The following IGDCC4 variants were observed in gnomAD, a reference collection of about 807,000 sequenced individuals.
IGDCC4 encodes the protein immunoglobulin superfamily DCC subclass member 4, also known as likely ortholog of mouse neighbor of Punc E11.
In IGDCC4, 72 loss-of-function variants were observed where a neutral mutation model predicts 116.6. That is an observed-to-expected ratio of 0.62 (90% CI 0.51 to 0.75). The LOEUF (loss-of-function observed/expected upper bound fraction) is 0.75, where lower values mean the gene tolerates loss of function less well. Among genes scored for constraint, IGDCC4 ranks in the 30% least tolerant of loss-of-function variants. The probability of loss-of-function intolerance (pLI) is 0.00; values close to 1 mark genes in which losing one functional copy is unlikely to be tolerated. For missense variants in IGDCC4, 1,501 were observed against 1,662.4 expected (o/e 0.90, Z 1.69); for synonymous variants, 709 against 719.9 (o/e 0.98, Z 0.24).
At chr15:65,400,730 C>T in intron 5 of IGDCC4, 76 bp downstream of exon 5, 2 of 1,500,158 alleles carry the variant, frequency 1.3e-6, no homozygotes, top group Non-Finnish European at 1.8e-6. Context: ...ACCCATACAT[C>T]CCCCTGACTT....
intron 1 of IGDCC4, among the ~76,000 whole-genome samples, chr15:65,411,866 G>T (rs1331360236): frequency 6.6e-6 from 1 of 152,210 alleles, no homozygotes; most frequent in Admixed American, 6.5e-5. Context: ...TGAGTACAGG[G>T]TTTCTTTTGG....
chr15:65,391,736 C>G (rs564557279), intron 12 of IGDCC4, 144 bp downstream of exon 12: 36 of 698,612 alleles, frequency 5.2e-5, no homozygotes, highest in African/African-American at 3.9e-4. Context: ...AAAGAGGACC[C>G]CTGATCCTAG....
At chr15:65,414,236 G>A (rs1269514699) in intron 1 of IGDCC4, among the ~76,000 whole-genome samples, 1 of 152,226 alleles carries the variant, frequency 6.6e-6, no homozygotes, top group Admixed American at 6.5e-5. Context: ...AAGGGCGGAC[G>A]GAGAGACAGG....
chr15:65,408,743 T>G (rs955785539), intron 3 of IGDCC4, among the ~76,000 whole-genome samples: 2 of 152,142 alleles, frequency 1.3e-5, no homozygotes, highest in African/African-American at 4.8e-5. Context: ...CCCCCTTTCA[T>G]TTTATAGGTG....
chr15:65,388,100 C>A (rs767510201), intron 16 of IGDCC4, among the ~76,000 whole-genome samples: 1 of 151,916 alleles, frequency 6.6e-6, no homozygotes, highest in Non-Finnish European at 1.5e-5. Flanking sequence ...AAAAATTAGC[C>A]GGGCATGGTG....
At chr15:65,392,472 C>T (rs2062877577) in intron 10 of IGDCC4, 102 bp from the exon 11 acceptor site, 1 of 893,538 alleles carries the variant, frequency 1.1e-6, no homozygotes, top group African/African-American at 1.7e-5. Context: ...GAGGAAGAGA[C>T]AGGAAGATGG....
At chr15:65,386,761 C>A in intron 16 of IGDCC4, 105 bp from the exon 17 acceptor site, 1 of 799,162 alleles carries the variant, frequency 1.3e-6, no homozygotes, top group South Asian at 1.7e-5. Context: ...GCTGGACCCT[C>A]ACCCTTCAGA....
intron 1 of IGDCC4, 148 bp from the exon 2 acceptor site, chr15:65,411,518 T>A: frequency 1.6e-6 from 1 of 623,488 alleles, no homozygotes; most frequent in East Asian, 2.9e-5. Context: ...AACTGTGACC[T>A]TGGACAAACT....
intron 1 of IGDCC4, among the ~76,000 whole-genome samples, chr15:65,419,957 G>GT (rs2063175540): frequency 6.6e-6 from 1 of 151,984 alleles, no homozygotes; most frequent in South Asian, 2.1e-4. Flanking sequence ...TGTTGTGTTT[G>GT]TTTTTTTGAG....
chr15:65,415,644 G>A (rs1362047538), intron 1 of IGDCC4, among the ~76,000 whole-genome samples: 1 of 152,176 alleles, frequency 6.6e-6, no homozygotes, highest in East Asian at 1.9e-4. Flanking sequence ...CTGAGGCCTG[G>A]GGAGGGGTCT....
intron 1 of IGDCC4, among the ~76,000 whole-genome samples, chr15:65,419,376 TC>T (rs2063170934): frequency 6.6e-6 from 1 of 152,042 alleles, no homozygotes. Context: ...ATTTCTAAGT[TC>T]CTCTCAGTGC....
rs1029514601 is a variant in IGDCC4, at chr15:65,393,732, C to T, written c.1715-201G>A. Among the ~76,000 whole-genome samples the T allele has an allele frequency of 4.6e-5, 7 of 152,214 alleles. No homozygotes were observed. The highest frequency in any genetic ancestry group is 7.3e-5 in the Non-Finnish European group (5 of 68,034). On this transcript the variant is annotated intron_variant, in intron 9 of 19. Coordinates refer to ENST00000352385, the MANE Select transcript of IGDCC4 (RefSeq NM_020962.3). This position sits in a 1 kb window ranked among gnomAD's most constrained non-coding sequence, Gnocchi z 4.6. ...CTTGAGCCTCCAACTCTGGCTGATG[C>T]AGGCCATCAGCCTGGGCTCAGCTGC...
At chr15:65,386,963 G>A (rs549237183) in intron 16 of IGDCC4, among the ~76,000 whole-genome samples, 1 of 152,240 alleles carries the variant, frequency 6.6e-6, no homozygotes, top group East Asian at 1.9e-4. Flanking sequence ...GTGCAGGTGC[G>A]CAGACCCCAT....
intron 1 of IGDCC4, among the ~76,000 whole-genome samples, chr15:65,414,668 G>A (rs1312027920): frequency 1.3e-5 from 2 of 152,208 alleles, no homozygotes; most frequent in African/African-American, 4.8e-5. Context: ...TCTTGCGACA[G>A]TTGTGCTCTG....
At chr15:65,404,531 C>T (rs75358621) in intron 3 of IGDCC4, among the ~76,000 whole-genome samples, 120 of 152,274 alleles carry the variant, frequency 7.9e-4, no homozygotes, top group African/African-American at 2.7e-3. Context: ...CTCGAACTAG[C>T]GAGCTGACTA....
rs2062895325 is a variant in IGDCC4, at chr15:65,394,163, G to A, written c.1714+248C>T. Among the ~76,000 whole-genome samples, 4 of 152,152 alleles carry A rather than the reference G, an allele frequency of 2.6e-5. No individual in the cohort carries two copies. The South Asian group carries it at 8.3e-4, about 32-fold the overall frequency. On this transcript the variant is annotated intron_variant, in intron 9 of 19. Transcript: ENST00000352385. ...AGGAAACTGAGGCAGGGACTCAGTA[G>A]AAGTACACACTGCAGCTGTAGAGGG...
rs541755887 is a variant in IGDCC4, at chr15:65,386,261, A to T, written c.2952-202T>A. Among the ~76,000 whole-genome samples the T allele has an allele frequency of 8.5e-5, 13 of 152,368 alleles. No homozygotes were observed. The South Asian group carries it at 2.7e-3, about 32-fold the overall frequency. The stretch of plus-strand genomic sequence containing the variant: ...ACAGGGCTCTTCTTCCCTTGGCTGC[A>T]GGCATCTGGAGATTTGGGGCCCCTC... On this transcript the variant is annotated intron_variant, in intron 17 of 19. Coordinates refer to ENST00000352385, the MANE Select transcript of IGDCC4 (RefSeq NM_020962.3).
rs1294592106 is a variant in IGDCC4 at position 65,385,130 on chromosome 15, G to C, written c.3181-15C>G. On this transcript the variant is annotated splice_polypyrimidine_tract_variant and intron_variant, in intron 18 of 19. Coordinates refer to ENST00000352385, the MANE Select transcript of IGDCC4 (RefSeq NM_020962.3). ...GCCCAGGAGATCTGCACGGGGGAAAGAAGGGGACAGTAAGGGGCACGACCA... is the reference window on the plus strand; with the variant it reads ...GCCCAGGAGATCTGCACGGGGGAAACAAGGGGACAGTAAGGGGCACGACCA... 1.0e-5 allele frequency: 16 copies of C among 1,569,044 alleles called. No individual in the cohort carries two copies. The highest frequency in any genetic ancestry group is 1.4e-5 in the Non-Finnish European group (16 of 1,166,832).
intron 4 of IGDCC4, among the ~76,000 whole-genome samples, chr15:65,402,041 C>T (rs920025364): frequency 6.6e-6 from 1 of 152,152 alleles, no homozygotes; most frequent in Non-Finnish European, 1.5e-5. Flanking sequence ...CTGACACCGC[C>T]TCAGATGCCT....
Sources: gnomAD v4.1 joint callset for allele counts (sites outside exome capture counted in the v4.1 genomes callset) on GRCh38, gnomAD v4.1.1 for gene constraint, Gnocchi (gnomAD v3.1) non-coding constraint, MANE v1.5 for transcripts, NCBI Gene and HGNC (gene_info 2026-07-23, HGNC 2026-07-21) for gene names.